JAK1: variants seen among roughly 807,000 people sequenced by gnomAD.
The protein encoded by JAK1 is Janus kinase 1.
In JAK1, 16 loss-of-function variants were observed where a neutral mutation model predicts 136.6. The observed-to-expected ratio is 0.12, with a 90% CI of 0.08 to 0.18. The LOEUF is 0.18. Ranked by LOEUF, JAK1 falls within the 10% of genes least tolerant of loss-of-function variation. JAK1 has a pLI of 1.00. For synonymous variants in JAK1, 492 were observed against 519.5 expected (o/e 0.95, Z 0.72); for missense variants, 859 against 1,450.1 (o/e 0.59, Z 6.62).
chr1:64,845,130 T>C (rs1655145509), intron 15 of JAK1, among the ~76,000 whole-genome samples: 1 of 152,210 alleles, frequency 6.6e-6, no homozygotes, highest in South Asian at 2.1e-4. Context: ...AGCATGATAC[T>C]GATTAGAATC....
chr1:64,923,634 C>T (rs1162223444), intron 1 of JAK1, among the ~76,000 whole-genome samples: 4 of 152,166 alleles, frequency 2.6e-5, no homozygotes, highest in Non-Finnish European at 5.9e-5. Context: ...TACTCATACA[C>T]TCCCATTTTC....
chr1:64,947,066 A>G (rs1039870170), intron 1 of JAK1, among the ~76,000 whole-genome samples: 1 of 152,330 alleles, frequency 6.6e-6, no homozygotes, highest in Non-Finnish European at 1.5e-5. Flanking sequence ...AGGAAAAAGC[A>G]ATGGGTAGTT....
chr1:64,859,558 T>G (rs1285221423), intron 9 of JAK1: 2 of 152,328 alleles, frequency 1.3e-5, no homozygotes, highest in African/African-American at 4.8e-5. Context: ...ACTGTTCACC[T>G]GGCACCTTGG....
chr1:64,869,710 G>C (rs1656956363), intron 5 of JAK1, among the ~76,000 whole-genome samples: 1 of 152,198 alleles, frequency 6.6e-6, no homozygotes, highest in Admixed American at 6.5e-5. Flanking sequence ...CCAGGCACTG[G>C]GGAACAGTAC....
In JAK1 at chr1:64,845,716, C is replaced by T; in HGVS notation, c.1988-76G>A. 5 of 1,562,882 alleles carry T rather than the reference C, an allele frequency of 3.2e-6. No homozygotes were observed. In the South Asian group the frequency reaches 3.3e-5, roughly 10 times the overall value. On this transcript the variant is annotated intron_variant, in intron 14 of 24. Transcript: ENST00000342505. ...TCTCCTTCATCCCCTTACGACAGTC[C>T]ACTTCAGTGGACACTACTCGGCCTC... is the stretch of plus-strand genomic sequence containing the variant.
At chr1:65,053,500 A>C (rs1019374504) in intron 1 of JAK1, among the ~76,000 whole-genome samples, 1 of 152,224 alleles carries the variant, frequency 6.6e-6, no homozygotes, top group African/African-American at 2.4e-5. Flanking sequence ...GAAGTGTAAA[A>C]ACGTAAGAGG....
At chr1:64,869,589 T>C (rs1656946995) in intron 5 of JAK1, 115 bp from the exon 6 acceptor site, 5 of 784,214 alleles carry the variant, frequency 6.4e-6, no homozygotes, top group South Asian at 1.7e-5. Flanking sequence ...ACGAATCAGA[T>C]TGGCAGTTTC....
At chr1:64,952,094 T>G (rs1646102160) in intron 1 of JAK1, among the ~76,000 whole-genome samples, 1 of 152,218 alleles carries the variant, frequency 6.6e-6, no homozygotes, top group Admixed American at 6.5e-5. Flanking sequence ...ATAAAGTATC[T>G]GAAACGCTAT....
At position 64,838,745 on chromosome 1, in the gene JAK1, C is replaced by G. The variant is rs115237966; in HGVS notation, c.2843-156G>C. The stretch of plus-strand genomic sequence containing the variant: ...TTGACCTCTTATGCCTCAAGATCCT[C>G]AGCAGTGAATGGAGATGGTAACAAT... On this transcript the variant is annotated intron_variant, in intron 20 of 24. Transcript: ENST00000342505. Among the ~76,000 whole-genome samples the G allele has an allele frequency of 9.3e-3, 1,417 of 152,276 alleles. 26 individuals are homozygous for G. Among genetic ancestry groups the G allele is most frequent in the African/African-American group, 0.033 (1,357 of 41,536 alleles).
At chr1:64,961,533 G>A (rs1163147307) in intron 1 of JAK1, among the ~76,000 whole-genome samples, 1 of 151,988 alleles carries the variant, frequency 6.6e-6, no homozygotes, top group East Asian at 1.9e-4. Context: ...AAAGAGCTAC[G>A]GTCTTCACAA....
chr1:64,896,588 C>A (rs1253622965), intron 1 of JAK1, among the ~76,000 whole-genome samples: 1 of 152,104 alleles, frequency 6.6e-6, no homozygotes, highest in African/African-American at 2.4e-5. Context: ...TAAGTAAAAT[C>A]AACAAAAACG....
upstream of JAK1, among the ~76,000 whole-genome samples, chr1:64,966,675 A>G (rs1646389528): frequency 7.0e-6 from 1 of 143,332 alleles, no homozygotes; most frequent in Non-Finnish European, 1.5e-5. Flanking sequence ...GTCCCGGCGG[A>G]GACTCTGCGC....
chr1:64,925,580 T>C (rs918544676), intron 1 of JAK1, among the ~76,000 whole-genome samples: 5 of 152,196 alleles, frequency 3.3e-5, no homozygotes, highest in African/African-American at 1.2e-4. Flanking sequence ...TTAGGCTTCC[T>C]GACCTCAAAA....
intron 2 of JAK1, among the ~76,000 whole-genome samples, chr1:65,022,588 T>A (rs1428671047): frequency 6.6e-6 from 1 of 152,122 alleles, no homozygotes; most frequent in Non-Finnish European, 1.5e-5. Context: ...TCAGCCAAAG[T>A]GAAAATTTAG....
chr1:65,014,824 A>T (rs927111209), intron 2 of JAK1, among the ~76,000 whole-genome samples: 2 of 151,906 alleles, frequency 1.3e-5, no homozygotes, highest in Non-Finnish European at 2.9e-5. Context: ...AGCTGGGACT[A>T]CAGGCGCCCG....
chr1:64,916,398 T>C (rs937008538), intron 1 of JAK1, among the ~76,000 whole-genome samples: 3 of 152,200 alleles, frequency 2.0e-5, no homozygotes, highest in African/African-American at 7.2e-5. Context: ...TCTAGGTTGA[T>C]AGAAATGTTC....
At chr1:64,913,627 G>A (rs1179946923) in intron 1 of JAK1, among the ~76,000 whole-genome samples, 2 of 137,206 alleles carry the variant, frequency 1.5e-5, no homozygotes, top group East Asian at 4.5e-4. Context: ...TTGGGAGGGA[G>A]GGAGGGAGGA....
intron 1 of JAK1, among the ~76,000 whole-genome samples, chr1:64,901,471 C>T (rs1037125914): frequency 2.0e-5 from 3 of 151,932 alleles, no homozygotes; most frequent in African/African-American, 7.3e-5. Context: ...CTGAGAGTTG[C>T]GTAGGCCTGG....
intron 2 of JAK1, among the ~76,000 whole-genome samples, chr1:65,014,683 T>C (rs1646877629): frequency 6.6e-6 from 1 of 151,406 alleles, no homozygotes; most frequent in Non-Finnish European, 1.5e-5. Flanking sequence ...TCTATTATTC[T>C]ATTCTTTTTT....
Sources: gnomAD v4.1 joint callset for allele counts (sites outside exome capture counted in the v4.1 genomes callset) on GRCh38, gnomAD v4.1.1 for gene constraint, MANE v1.5 for transcripts, NCBI Gene and HGNC (gene_info 2026-07-23, HGNC 2026-07-21) for gene names.